CEP170: variants seen among roughly 807,000 people sequenced by gnomAD.
CEP170 encodes the protein centrosomal protein 170, also known as centrosomal protein of 170 kDa.
In CEP170, 21 loss-of-function variants were observed where a neutral mutation model predicts 151.9. The ratio of observed to expected loss-of-function variants is 0.14; its 90% CI spans 0.10 to 0.20. CEP170 has a LOEUF of 0.20. CEP170 is among the 10% of genes least tolerant of loss of function. CEP170 has a pLI of 1.00. For synonymous variants in CEP170, 356 were observed against 648.8 expected (o/e 0.55, Z 6.86); for missense variants, 964 against 1,892.9 (o/e 0.51, Z 9.11).
intron 17 of CEP170, among the ~76,000 whole-genome samples, chr1:243,133,728 G>A (rs541991318): frequency 3.9e-4 from 59 of 152,276 alleles, no homozygotes; most frequent in Non-Finnish European, 6.9e-4. Context: ...TGGGTTGTAC[G>A]GTGAAGGGGA....
chr1:243,225,986 TATATATA>T (rs2063193101), intron 1 of CEP170, among the ~76,000 whole-genome samples: 3 of 145,822 alleles, frequency 2.1e-5, no homozygotes, highest in Non-Finnish European at 4.5e-5. Flanking sequence ...TATCTATCTA[TATATATA>T]CACGTATATA....
rs189909184 is a variant in CEP170 at position 243,194,067 on chromosome 1, C to T, written c.632-2573G>A. On this transcript the variant is annotated intron_variant, in intron 7 of 19. Transcript: ENST00000366542. ...TATCCTTGAATATTCATAAACATTA[C>T]TAACAGTTAAGATCTTCACCGAGAG... 2.0e-5 allele frequency among the ~76,000 whole-genome samples: 3 copies of T among 151,916 alleles called. No individual in the cohort carries two copies. In the East Asian group the frequency reaches 5.8e-4, roughly 29 times the overall value.
chr1:243,150,615 A>C (rs2056971730), intron 14 of CEP170, among the ~76,000 whole-genome samples: 1 of 152,216 alleles, frequency 6.6e-6, no homozygotes, highest in East Asian at 1.9e-4. Flanking sequence ...CCAGCATTTT[A>C]TAAACTGTAG....
chr1:243,145,716 A>G (rs1319492845), intron 14 of CEP170, among the ~76,000 whole-genome samples: 1 of 152,158 alleles, frequency 6.6e-6, no homozygotes, highest in Non-Finnish European at 1.5e-5. Context: ...CTATTAATGA[A>G]GTATACTAGC....
chr1:243,254,823 G>T (rs2066450315), intron 1 of CEP170, among the ~76,000 whole-genome samples: 1 of 151,482 alleles, frequency 6.6e-6, no homozygotes, highest in Non-Finnish European at 1.5e-5. Flanking sequence ...GGGTGGTCCC[G>T]TCAAGCCCCG....
chr1:243,135,974 T>C (rs2055021947), intron 17 of CEP170, 169 bp downstream of exon 17: 1 of 842,604 alleles, frequency 1.2e-6, no homozygotes, highest in South Asian at 2.0e-5. Flanking sequence ...ATTTATGTTT[T>C]GAATTACTAA....
chr1:243,134,912 T>C (rs1321755275), intron 17 of CEP170, among the ~76,000 whole-genome samples: 1 of 152,082 alleles, frequency 6.6e-6, no homozygotes, highest in Non-Finnish European at 1.5e-5. Flanking sequence ...AGAGAAAAGA[T>C]CAAGGTACAA....
intron 1 of CEP170, among the ~76,000 whole-genome samples, chr1:243,244,481 G>A (rs187829028): frequency 6.6e-6 from 1 of 152,264 alleles, no homozygotes; most frequent in East Asian, 1.9e-4. Flanking sequence ...CGTGGCTCAC[G>A]CCTGTAATCA....
chr1:243,241,715 G>T (rs1000955505), intron 1 of CEP170, among the ~76,000 whole-genome samples: 1 of 147,788 alleles, frequency 6.8e-6, no homozygotes, highest in Admixed American at 6.7e-5. Context: ...CCTTGAACCC[G>T]GGAGGCAGAG....
At chr1:243,161,115 C>T (rs1229228233) in intron 13 of CEP170, among the ~76,000 whole-genome samples, 2 of 149,486 alleles carry the variant, frequency 1.3e-5, no homozygotes, top group African/African-American at 5.0e-5. Context: ...CCAGCCTGCC[C>T]AATATGGTGA....
chr1:243,242,032 A>G (rs562658711), intron 1 of CEP170, among the ~76,000 whole-genome samples: 2 of 152,252 alleles, frequency 1.3e-5, no homozygotes, highest in Middle Eastern at 3.4e-3. Context: ...AAGGAAAGTC[A>G]AACATTAGAA....
In CEP170 at chr1:243,165,280, G is replaced by A. The variant is rs1419022885; in HGVS notation, c.2680C>T (p.Leu894=). The A allele has an allele frequency of 2.0e-6, 3 of 1,511,408 alleles. No homozygotes were observed. Among genetic ancestry groups the A allele is most frequent in the East Asian group, 2.4e-5 (1 of 42,464 alleles). The allele number at this position is 1,511,408 out of a possible 1,614,324, so 93.6% of individuals were successfully genotyped here. A position where few individuals can be genotyped will look rare whatever the true frequency, so the allele number is the denominator to read the frequency against. The part of the protein sequence containing the change: ...PDSSMDTTLI[L]KDTEAVMAFL... ...GCCATTACTGCTTCTGTGTCTTTTA[G>A]AATAAGGGTTGTGTCCATACTAGAA... Residue 894 remains leucine, a synonymous_variant, in exon 13 of 20, where the codon CTA becomes TTA. Coordinates refer to ENST00000366542, the MANE Select transcript of CEP170 (RefSeq NM_014812.3).
chr1:243,149,346 T>C (rs535380171), intron 14 of CEP170, among the ~76,000 whole-genome samples: 14 of 152,298 alleles, frequency 9.2e-5, no homozygotes, highest in African/African-American at 3.1e-4. Context: ...AAGTATTTAC[T>C]CAATAAACAA....
intron 12 of CEP170, 69 bp downstream of exon 12, chr1:243,169,557 TAA>T (rs2058685572): frequency 6.8e-7 from 1 of 1,477,340 alleles, no homozygotes; most frequent in Non-Finnish European, 9.1e-7. Flanking sequence ...CAGAGAAGAG[TAA>T]GAGAAAGAGA....
At chr1:243,220,228 A>G (rs915436232) in intron 3 of CEP170, among the ~76,000 whole-genome samples, 25 of 152,238 alleles carry the variant, frequency 1.6e-4, no homozygotes, top group Admixed American at 1.6e-3. Context: ...GAAAGAGTAG[A>G]CTGAAGAAAA....
intron 1 of CEP170, among the ~76,000 whole-genome samples, chr1:243,247,273 T>A (rs1282183611): frequency 4.6e-5 from 7 of 152,224 alleles, no homozygotes; most frequent in African/African-American, 1.7e-4. Flanking sequence ...TCTACCTCAA[T>A]TCTCTTTATT....
rs555113732 is a variant in CEP170 at position 243,246,589 on chromosome 1, A to G, written c.-42+8451T>C. ...TTCATAAATTGTGTGTAAGTAGATTACATGTTTGAGAAGACAGATTCTATG... is the reference window on the plus strand; with the variant it reads ...TTCATAAATTGTGTGTAAGTAGATTGCATGTTTGAGAAGACAGATTCTATG... On this transcript the variant is annotated intron_variant, in intron 1 of 19. Transcript: ENST00000366542. Among the ~76,000 whole-genome samples, 2 of 151,150 alleles carry G rather than the reference A, an allele frequency of 1.3e-5. 1 individual carries two copies. The highest frequency in any genetic ancestry group is 1.3e-4 in the Admixed American group (2 of 15,158).
At chr1:243,199,346 G>C (rs1027042427) in intron 6 of CEP170, among the ~76,000 whole-genome samples, 152 bp from the exon 7 acceptor site, 3 of 152,114 alleles carry the variant, frequency 2.0e-5, no homozygotes, top group African/African-American at 7.2e-5. Flanking sequence ...AATTAACTCG[G>C]TATTTGTGGA....
Position 243,134,903 on chromosome 1 carries a change from G to A in CEP170, c.4319+1240C>T, listed in dbSNP as rs368526124. On this transcript the variant is annotated intron_variant, in intron 17 of 19. Coordinates refer to ENST00000366542, the MANE Select transcript of CEP170 (RefSeq NM_014812.3). ...TTGGGGAAAGTAAAGATCTAATTAAGAGAAAAGATCAAGGTACAAAAGTAG... is the reference window on the plus strand; with the variant it reads ...TTGGGGAAAGTAAAGATCTAATTAAAAGAAAAGATCAAGGTACAAAAGTAG... Among the ~76,000 whole-genome samples the A allele has an allele frequency of 2.3e-4, 35 of 152,160 alleles. No individual in the cohort carries two copies. The South Asian group carries it at 6.0e-3, about 26-fold the overall frequency.
Sources: allele counts gnomAD v4.1 joint callset (sites outside exome capture counted in the v4.1 genomes callset), GRCh38; gene constraint gnomAD v4.1.1; transcripts MANE v1.5; gene names NCBI Gene and HGNC (gene_info 2026-07-23, HGNC 2026-07-21).